PSG11: variants seen among roughly 807,000 people sequenced by gnomAD.
PSG11 encodes pregnancy specific beta-1-glycoprotein 11.
Under a neutral mutation model 36.0 loss-of-function variants are expected in PSG11, and 42 were observed. The observed-to-expected ratio is 1.17, with a 90% confidence interval of 0.91 to 1.51. The LOEUF (loss-of-function observed/expected upper bound fraction) is 1.51, where lower values mean the gene tolerates loss of function less well. Ranked by LOEUF, PSG11 falls within the 40% of genes most tolerant of loss-of-function variation. The pLI is 0.00. For missense variants in PSG11, 558 were observed against 403.5 expected (o/e 1.38, Z -3.28); for synonymous variants, 206 against 153.5 (o/e 1.34, Z -2.53).
intron 3 of PSG11, among the ~76,000 whole-genome samples, chr19:43,016,381 T>G (rs959025565): frequency 6.6e-6 from 1 of 151,166 alleles, no homozygotes; most frequent in Admixed American, 6.6e-5. Context: ...TTGGGTTCCT[T>G]ACCTGGAATG....
intron 2 of PSG11, among the ~76,000 whole-genome samples, chr19:43,021,488 A>C (rs1294028227): frequency 6.6e-6 from 1 of 151,304 alleles, no homozygotes; most frequent in East Asian, 1.9e-4. Flanking sequence ...AGTAGCTGGT[A>C]CTACAGGTGC....
At chr19:43,024,481 G>A (rs1256660577) in intron 2 of PSG11, 23 of 729,418 alleles carry the variant, frequency 3.2e-5, no homozygotes, top group Non-Finnish European at 4.5e-5. Flanking sequence ...CCTCTGCAGC[G>A]AGTGTCTGCA....
chr19:43,010,422 A>G, intron 4 of PSG11: 1 of 1,523,358 alleles, frequency 6.6e-7, no homozygotes, highest in Non-Finnish European at 8.9e-7. Context: ...TCTCCATGGC[A>G]GGGACCTGAT....
At position 43,014,489 on chromosome 19, in the gene PSG11, T is replaced by C. The variant is rs1043818737; in HGVS notation, c.964+627A>G. On this transcript the variant is annotated intron_variant, in intron 4 of 5. Coordinates refer to ENST00000320078, the MANE Select transcript of PSG11 (RefSeq NM_002785.3). ...TGAGGTTGCTTCTCTTCTTATTTCC[T>C]TGCAGCCTGGCCCGGGGGAGGCTTG... 2.3e-5 allele frequency: 22 copies of C among 975,450 alleles called. No individual in the cohort carries two copies. The African/African-American group carries it at 3.2e-4, about 14-fold the overall frequency. 60.4% of individuals were successfully genotyped at this position (975,450 alleles called of 1,614,324 possible).
At chr19:43,024,199 T>A (rs1030085944) in intron 2 of PSG11, among the ~76,000 whole-genome samples, 6 of 151,256 alleles carry the variant, frequency 4.0e-5, no homozygotes, top group African/African-American at 1.5e-4. Flanking sequence ...AGACAGCTGG[T>A]AAATTCTTGG....
intron 4 of PSG11, among the ~76,000 whole-genome samples, chr19:43,011,963 T>G (rs956137300): frequency 2.0e-5 from 3 of 150,224 alleles, no homozygotes; most frequent in Admixed American, 6.7e-5. Context: ...AAATAATGAT[T>G]ATGAAAGTAC....
chr19:43,023,874 G>C (rs780777137), intron 2 of PSG11, among the ~76,000 whole-genome samples: 4 of 151,404 alleles, frequency 2.6e-5, no homozygotes, highest in Non-Finnish European at 5.9e-5. Context: ...CTGACCTAAT[G>C]CTTGGCACAG....
intron 2 of PSG11, 56 bp downstream of exon 2, chr19:43,024,635 T>G: frequency 6.2e-7 from 1 of 1,608,734 alleles, no homozygotes; most frequent in East Asian, 2.2e-5. Flanking sequence ...CCTGTGTGTG[T>G]GATGTAGAAG....
At chr19:43,009,919 G>A (rs1477675285) in intron 5 of PSG11, 39 bp downstream of exon 5, 1 of 1,455,792 alleles carries the variant, frequency 6.9e-7, no homozygotes, top group Admixed American at 1.7e-5. Flanking sequence ...ATGGCAGTCA[G>A]CCCTGCAGGA....
At chr19:43,024,031 G>C (rs767368865) in intron 2 of PSG11, among the ~76,000 whole-genome samples, 9 of 151,358 alleles carry the variant, frequency 5.9e-5, no homozygotes, top group Admixed American at 1.3e-4. Context: ...TCTATGGACT[G>C]TCCTAAGCCT....
At chr19:43,008,413 C>T (rs1300170948) in intron 5 of PSG11, among the ~76,000 whole-genome samples, 1 of 151,018 alleles carries the variant, frequency 6.6e-6, no homozygotes, top group Non-Finnish European at 1.5e-5. Context: ...GCTGGGACTA[C>T]AGGTGCCTGC....
chr19:43,013,544 C>G (rs1248476966), intron 4 of PSG11, among the ~76,000 whole-genome samples: 3 of 151,208 alleles, frequency 2.0e-5, no homozygotes, highest in African/African-American at 4.9e-5. Flanking sequence ...ATATACAAAT[C>G]AAAACCACAA....
Position 43,019,021 on chromosome 19 carries a change from C to T in PSG11, c.458G>A (p.Ser153Asn). Residue 153 changes from serine (S) to asparagine (N), a missense_variant, in exon 3 of 6, where the codon AGC (serine) becomes AAC (asparagine). Ser to Asn is a conservative substitution (Grantham distance 46). Transcript: ENST00000320078. ...YLETPKPSISSSNLNPREAME... is the reference protein window; with the variant it reads ...YLETPKPSISNSNLNPREAME... ...GGCCTCCCTGGGGTTTAAGTTGCTG[C>T]TGGAGATGGAGGGCTTGGGAGTCTC... 6.2e-7 allele frequency: 1 copy of T among 1,611,870 alleles called. No homozygotes were observed. The highest frequency in any genetic ancestry group is 1.1e-5 in the South Asian group (1 of 90,810).
rs1208329319 is a variant in PSG11, at chr19:43,015,275, C to T, written c.805G>A (p.Ala269Thr). ...CCATTAATTGTCCAAGAATACTGTG[C>T]TGGTGGGTTAGAGTTTGCGAAGCAG... is the stretch of plus-strand genomic sequence containing the variant. ...LSCFANSNPP[A>T]QYSWTINGKF... is the part of the protein sequence containing the mutation. Residue 269 changes from alanine (A) to threonine (T), a missense_variant, in exon 4 of 6, where the codon GCA (alanine) becomes ACA (threonine). Physicochemically the swap from Ala to Thr is moderately conservative, Grantham distance 58. Transcript: ENST00000320078. 1 of 1,611,426 alleles carries T rather than the reference C, an allele frequency of 6.2e-7. No homozygotes were observed. Among genetic ancestry groups the T allele is most frequent in the Non-Finnish European group, 8.5e-7 (1 of 1,178,448 alleles).
chr19:43,015,844 T>C, intron 3 of PSG11: 2 of 1,610,176 alleles, frequency 1.2e-6, no homozygotes, highest in South Asian at 1.1e-5. Context: ...GGGTCCTGTT[T>C]CATTTCTCGT....
intron 2 of PSG11, among the ~76,000 whole-genome samples, chr19:43,020,696 A>G (rs1408450974): frequency 1.3e-5 from 2 of 151,316 alleles, no homozygotes; most frequent in Non-Finnish European, 2.9e-5. Flanking sequence ...GCAGCTCCTT[A>G]AGTAGAGAGA....
rs567777272 is a variant in PSG11, at chr19:43,014,425, A to C, written c.964+691T>G. The C allele has an allele frequency of 2.1e-6, 2 of 952,676 alleles. 1 individual carries two copies. The highest frequency in any genetic ancestry group is 2.5e-6 in the Non-Finnish European group (2 of 800,846). The allele number at this position is 952,676 out of a possible 1,614,324, so 59.0% of individuals were successfully genotyped here. A position where few individuals can be genotyped will look rare whatever the true frequency, so the allele number is the denominator to read the frequency against. On this transcript the variant is annotated intron_variant, in intron 4 of 5. Transcript: ENST00000320078. ...GCTGTGCCCACAGCCTCATACAGCCAGTGACTTCAGAGCCAGGACGCAGCT... is the reference window on the plus strand; with the variant it reads ...GCTGTGCCCACAGCCTCATACAGCCCGTGACTTCAGAGCCAGGACGCAGCT...
In PSG11 at chr19:43,018,578, A is replaced by G. The variant is rs1366749801; in HGVS notation, c.709+192T>C. 32 of 1,334,530 alleles carry G rather than the reference A, an allele frequency of 2.4e-5. 1 individual carries two copies. Among genetic ancestry groups the G allele is most frequent in the Non-Finnish European group, 1.9e-5 (18 of 964,120 alleles). The allele number at this position is 1,334,530 out of a possible 1,614,324, so 82.7% of individuals were successfully genotyped here. A position where few individuals can be genotyped will look rare whatever the true frequency, so the allele number is the denominator to read the frequency against. ...ACCCTGAGCCTCCCATGACAGGAGC[A>G]GCCTCTTTTCTCCCACTGTGGATCA... On this transcript the variant is annotated intron_variant, in intron 3 of 5. Transcript: ENST00000320078.
Position 43,015,321 on chromosome 19 carries a change from T to G in PSG11, c.759A>C (p.Ser253=), listed in dbSNP as rs779736950. The part of the protein sequence containing the change: ...RIFPSVTSYY[S]GENLDLSCFA... The stretch of plus-strand genomic sequence containing the variant: ...AGCAGGACAAGTCGAGGTTCTCTCC[T>G]GAATAGTAAGAGGTGACTGAAGGGA... Residue 253 remains serine, a synonymous_variant, in exon 4 of 6, where the codon TCA becomes TCC. Coordinates refer to ENST00000320078, the MANE Select transcript of PSG11 (RefSeq NM_002785.3). The G allele has an allele frequency of 4.3e-5, 69 of 1,610,182 alleles. 2 individuals carry two copies. In the East Asian group the frequency reaches 1.5e-3, roughly 36 times the overall value.
Sources: allele counts gnomAD v4.1 joint callset (sites outside exome capture counted in the v4.1 genomes callset), GRCh38; gene constraint gnomAD v4.1.1; transcripts MANE v1.5; gene names NCBI Gene and HGNC (gene_info 2026-07-23, HGNC 2026-07-21).